Variants in C2CD5 observed in about 807,000 individuals in gnomAD.
The protein encoded by C2CD5 is C2 domain-containing protein 5.
A neutral mutation model predicts 130.3 loss-of-function variants in C2CD5; 109 were observed. The observed-to-expected ratio is 0.84, with a 90% CI of 0.72 to 0.98. The LOEUF is 0.98. Ranked by LOEUF, C2CD5 falls within the 50% of genes least tolerant of loss-of-function variation. The probability of loss-of-function intolerance (pLI) is 0.00; values close to 1 mark genes in which losing one functional copy is unlikely to be tolerated. For synonymous variants in C2CD5, 454 were observed against 429.2 expected, an observed-to-expected ratio of 1.06 and a Z score of -0.71; for missense variants, 996 against 1,261.8, an observed-to-expected ratio of 0.79 and a Z score of 3.19.
At chr12:22,464,895 A>T (rs529177720) in intron 22 of C2CD5, among the ~76,000 whole-genome samples, 1 of 152,334 alleles carries the variant, frequency 6.6e-6, no homozygotes, top group East Asian at 1.9e-4. Flanking sequence ...TATTTTTTAC[A>T]AATGTACACT....
At chr12:22,497,895 C>G (rs1219154482) in intron 10 of C2CD5, among the ~76,000 whole-genome samples, 3 of 117,878 alleles carry the variant, frequency 2.5e-5, no homozygotes, top group African/African-American at 1.0e-4. Context: ...TACATACACG[C>G]ATGCACACAC....
Position 22,484,697 on chromosome 12 carries a change from C to A in C2CD5, c.1550G>T (p.Arg517Met). 1 of 1,554,264 alleles carries A rather than the reference C, an allele frequency of 6.4e-7. No homozygotes were observed. Among genetic ancestry groups the A allele is most frequent in the South Asian group, 1.2e-5 (1 of 82,038 alleles). The change falls in exon 13 of 27, where the codon AGG becomes ATG. Residue 517 changes from arginine to methionine, a missense_variant and splice_region_variant. Physicochemically the swap from Arg to Met is moderately conservative, Grantham distance 91. Around this residue, in one of 9 missense-constraint regions of C2CD5, gnomAD observed 590 missense variants for 631.4 expected, o/e 0.93. Transcript: ENST00000446597. ...VIGKGCLIQA[R>M]LCRLKKKAQA... ...CCGAGTGTTGTTTTCACAAACATAC[C>A]TTGCTTGAATAAGACAACCTTTTCC...
intron 22 of C2CD5, among the ~76,000 whole-genome samples, chr12:22,465,369 A>C (rs573745351): frequency 6.6e-6 from 1 of 152,156 alleles, no homozygotes; most frequent in Non-Finnish European, 1.5e-5. Flanking sequence ...TTTAATGAAA[A>C]CTATTATCCT....
At chr12:22,525,264 A>G (rs1213673985) in intron 5 of C2CD5, among the ~76,000 whole-genome samples, 3 of 152,142 alleles carry the variant, frequency 2.0e-5, no homozygotes, top group African/African-American at 4.8e-5. Context: ...TCAGACCCAT[A>G]TATTTCATGG....
At position 22,476,771 on chromosome 12, in the gene C2CD5, G is replaced by GAA. The variant is rs558028327; in HGVS notation, c.1902+1541_1902+1542insTT. On this transcript the variant is annotated intron_variant, in intron 15 of 26. Transcript: ENST00000446597. ...GAGGTCAGGATGGATTTACAGAGGT[G>GAA]AGAAACACTATTAAGTAAGTAAAAA... is the stretch of plus-strand genomic sequence containing the variant. Among the ~76,000 whole-genome samples the GAA allele has an allele frequency of 5.9e-5, 9 of 152,152 alleles. No homozygotes were observed. In the East Asian group the frequency reaches 1.5e-3, roughly 26 times the overall value.
intron 7 of C2CD5, chr12:22,519,035 ACTAC>A (rs1950030822): frequency 3.9e-6 from 5 of 1,283,436 alleles, no homozygotes; most frequent in Non-Finnish European, 5.3e-6. Context: ...ACCTGCCTAC[ACTAC>A]CTGCCTGCCT....
rs1469524979 is a variant in C2CD5, at chr12:22,530,105, TATATATACACAC to T, written c.178-2225_178-2214del. On this transcript the variant is annotated intron_variant, in intron 3 of 26. Coordinates refer to ENST00000446597, the MANE Select transcript of C2CD5 (RefSeq NM_001286176.2). ...ATATATATATATATATATATATATA[TATATATACACAC>T]ACACACACACACACACACACACAGT... 6.3e-3 allele frequency among the ~76,000 whole-genome samples: 726 copies of T among 114,496 alleles called. 5 individuals carry two copies. Among genetic ancestry groups the T allele is most frequent in the African/African-American group, 0.027 (688 of 25,774 alleles). 75.1% of individuals were successfully genotyped at this position (114,496 alleles called of 152,430 possible).
chr12:22,501,662 C>A (rs1297417617), intron 10 of C2CD5, among the ~76,000 whole-genome samples: 1 of 152,034 alleles, frequency 6.6e-6, no homozygotes, highest in Non-Finnish European at 1.5e-5. Context: ...TAGGAAATTT[C>A]CCTATGGATT....
intron 10 of C2CD5, among the ~76,000 whole-genome samples, chr12:22,500,125 A>G (rs1328485560): frequency 1.3e-5 from 2 of 152,158 alleles, no homozygotes; most frequent in Non-Finnish European, 1.5e-5. Context: ...CGGAGGTTGC[A>G]GTGAGCTGAG....
intron 10 of C2CD5, among the ~76,000 whole-genome samples, chr12:22,504,830 T>C (rs981947782): frequency 2.7e-5 from 4 of 147,138 alleles, no homozygotes; most frequent in Non-Finnish European, 5.9e-5. Context: ...CACAAAGATA[T>C]AGAATTTGGC....
rs776666027 is a variant in C2CD5, at chr12:22,506,838, G to A, written c.1039-19C>T. ...GAAATTCCTAGTGGAAAGAATAAGGGAAAAATACAACTTATCGTGTGTAGA... is the reference window on the plus strand; with the variant it reads ...GAAATTCCTAGTGGAAAGAATAAGGAAAAAATACAACTTATCGTGTGTAGA... On this transcript the variant is annotated intron_variant, in intron 9 of 26. Coordinates refer to ENST00000446597, the MANE Select transcript of C2CD5 (RefSeq NM_001286176.2). 222 of 1,409,642 alleles carry A rather than the reference G, an allele frequency of 1.6e-4. No individual in the cohort carries two copies. Among genetic ancestry groups the A allele is most frequent in the Non-Finnish European group, 2.1e-4 (204 of 993,992 alleles). 87.3% of individuals were successfully genotyped at this position (1,409,642 alleles called of 1,614,324 possible).
intron 22 of C2CD5, among the ~76,000 whole-genome samples, chr12:22,465,857 TA>T: frequency 6.6e-6 from 1 of 152,168 alleles, no homozygotes; most frequent in South Asian, 2.1e-4. Flanking sequence ...TATCCTTAAA[TA>T]AATTATTTAG....
rs182158883 is a variant in C2CD5, at chr12:22,509,141, G to C, written c.1039-2322C>G. ...GATCCACCCGCCTCGGCCTCCCAAA[G>C]TGCTGGGATTACAGGCGTGAGCCAC... On this transcript the variant is annotated intron_variant, in intron 9 of 26. Coordinates refer to ENST00000446597, the MANE Select transcript of C2CD5 (RefSeq NM_001286176.2). Among the ~76,000 whole-genome samples the C allele has an allele frequency of 2.0e-4, 30 of 151,550 alleles. No homozygotes were observed. In the East Asian group the frequency reaches 5.2e-3, roughly 26 times the overall value.
rs763201135 is a variant in C2CD5, at chr12:22,484,733, G to C, written c.1514C>G (p.Ala505Gly). Residue 505 changes from alanine (A) to glycine (G), a missense_variant, in exon 13 of 27, where the codon GCA becomes GGA. Ala to Gly is a moderately conservative substitution (Grantham distance 60). Around this residue, in one of 9 missense-constraint regions of C2CD5, gnomAD observed 590 missense variants for 631.4 expected, o/e 0.93. Coordinates refer to ENST00000446597, the MANE Select transcript of C2CD5 (RefSeq NM_001286176.2). ...AAGACAACCTTTTCCAATAACTGTT[G>C]CATCTGTTGGGAGGTCTATAGTTGT... is the stretch of plus-strand genomic sequence containing the variant. ...LFTTIDLPTD[A>G]TVIGKGCLIQ... is the part of the protein sequence containing the mutation. 1.3e-6 allele frequency: 2 copies of C among 1,593,042 alleles called. No individual in the cohort carries two copies. The highest frequency in any genetic ancestry group is 1.7e-6 in the Non-Finnish European group (2 of 1,172,088).
At chr12:22,536,275 T>C (rs1168899892) in intron 2 of C2CD5, among the ~76,000 whole-genome samples, 1 of 152,170 alleles carries the variant, frequency 6.6e-6, no homozygotes, top group Non-Finnish European at 1.5e-5. Flanking sequence ...AAGGAGAGGC[T>C]GTGAAAGAGA....
chr12:22,455,763 C>T (rs1180144934), intron 25 of C2CD5, among the ~76,000 whole-genome samples: 1 of 152,158 alleles, frequency 6.6e-6, no homozygotes, highest in Non-Finnish European at 1.5e-5. Context: ...CGGCTCACTG[C>T]AACCTCCACC....
intron 10 of C2CD5, among the ~76,000 whole-genome samples, chr12:22,506,162 TGA>T (rs1948506213): frequency 2.0e-5 from 3 of 152,148 alleles, no homozygotes; most frequent in Admixed American, 2.0e-4. Context: ...TCTGTTCCTA[TGA>T]CACCCACAGT....
At position 22,456,962 on chromosome 12, in the gene C2CD5, T is replaced by C; in HGVS notation, c.2877+9A>G. 4 of 1,511,470 alleles carry C rather than the reference T, an allele frequency of 2.6e-6. No homozygotes were observed. The highest frequency in any genetic ancestry group is 1.4e-5 in the African/African-American group (1 of 70,424). The allele number at this position is 1,511,470 out of a possible 1,614,324, so 93.6% of individuals were successfully genotyped here. ...TTTTTAAAAAATGAAATAACTTCTATAAAATTACCTCCCGAAGAGAAGTAG... is the reference window on the plus strand; with the variant it reads ...TTTTTAAAAAATGAAATAACTTCTACAAAATTACCTCCCGAAGAGAAGTAG... On this transcript the variant is annotated intron_variant, in intron 25 of 26. Transcript: ENST00000446597.
chr12:22,514,615 C>T (rs913436577), intron 8 of C2CD5, among the ~76,000 whole-genome samples: 1 of 152,038 alleles, frequency 6.6e-6, no homozygotes, highest in Non-Finnish European at 1.5e-5. Context: ...CTAATGTAAT[C>T]ATATGGTTTA....
Sources: gnomAD v4.1 joint callset for allele counts (sites outside exome capture counted in the v4.1 genomes callset) on GRCh38, gnomAD v4.1.1 for gene constraint, gnomAD v4.1.1 regional missense constraint, MANE v1.5 for transcripts, NCBI Gene and HGNC (gene_info 2026-07-23, HGNC 2026-07-21) for gene names.